Variants in TANC1 observed in about 807,000 individuals in gnomAD.
TANC1 encodes tetratricopeptide repeat, ankyrin repeat and coiled-coil containing 1.
TANC1 carries 77 observed loss-of-function variants against 149.7 expected under a neutral mutation model. That is an observed-to-expected ratio of 0.51 (90% CI 0.43 to 0.62). TANC1 has a LOEUF of 0.62. TANC1 is among the 20% of genes least tolerant of loss of function. The pLI, the probability that TANC1 is intolerant of heterozygous loss-of-function variation, is 0.00. For missense variants in TANC1, 1,985 were observed against 2,321.8 expected (o/e 0.85, Z 2.98); for synonymous variants, 854 against 925.0 (o/e 0.92, Z 1.39).
At position 159,217,515 on chromosome 2, in the gene TANC1, G is replaced by C. The variant is rs1421650022; in HGVS notation, c.3263G>C (p.Gly1088Ala). The change falls in exon 20 of 27, where the codon GGA (glycine) becomes GCA (alanine). Residue 1088 changes from glycine (G) to alanine (A), a missense_variant. Coordinates refer to ENST00000263635, the MANE Select transcript of TANC1 (RefSeq NM_033394.3). ...WGETALTAAA[G>A]RGKLEVCELL... ...CCTTTAGCCCTGACTGCCGCCGCAG[G>C]AAGAGGGAAGCTGGAGGTCTGTGAG... The C allele has an allele frequency of 5.6e-6, 9 of 1,614,134 alleles. No homozygotes were observed. The highest frequency in any genetic ancestry group is 6.8e-6 in the Non-Finnish European group (8 of 1,180,056).
chr2:159,212,603 AGGT>A (rs1356051747), intron 19 of TANC1, among the ~76,000 whole-genome samples: 2 of 152,130 alleles, frequency 1.3e-5, no homozygotes, highest in African/African-American at 4.8e-5. Context: ...AGTGTCCAAG[AGGT>A]GGCTTAGATT....
At chr2:158,990,464 GC>G (rs2035505732) in intron 1 of TANC1, among the ~76,000 whole-genome samples, 1 of 152,160 alleles carries the variant, frequency 6.6e-6, no homozygotes. Flanking sequence ...GAGGTTAAGT[GC>G]CAAGACCCAG....
In TANC1 at chr2:159,116,430, A is replaced by C. The variant is rs920670785; in HGVS notation, c.259+18596A>C. On this transcript the variant is annotated intron_variant, in intron 4 of 26. Transcript: ENST00000263635. The stretch of plus-strand genomic sequence containing the variant: ...TGACAGAGCAAGACTCAGTCTCAAA[A>C]AACAACAACAACAACAACAACAACA... 1.1e-4 allele frequency among the ~76,000 whole-genome samples: 17 copies of C among 148,708 alleles called. 1 individual carries two copies. Among genetic ancestry groups the C allele is most frequent in the Admixed American group, 2.0e-4 (3 of 14,922 alleles).
At chr2:159,093,692 A>G (rs2045785845) in intron 3 of TANC1, among the ~76,000 whole-genome samples, 1 of 152,142 alleles carries the variant, frequency 6.6e-6, no homozygotes, top group Admixed American at 6.5e-5. Context: ...CATGTTTGAG[A>G]GTGATTATAG....
intron 2 of TANC1, among the ~76,000 whole-genome samples, chr2:159,019,159 T>A (rs2038562754): frequency 1.3e-5 from 2 of 152,210 alleles, no homozygotes; most frequent in South Asian, 4.1e-4. Flanking sequence ...GAGCCGGGAT[T>A]GCAGGTCAGC....
chr2:159,153,937 T>A (rs533110548), intron 7 of TANC1, among the ~76,000 whole-genome samples: 1 of 152,238 alleles, frequency 6.6e-6, no homozygotes, highest in Non-Finnish European at 1.5e-5. Context: ...ATGAGATACC[T>A]TGGCTTCCTG....
At chr2:159,066,680 C>T (rs2042694982) in intron 3 of TANC1, among the ~76,000 whole-genome samples, 1 of 152,188 alleles carries the variant, frequency 6.6e-6, no homozygotes, top group Non-Finnish European at 1.5e-5. Context: ...GACTGGTCCT[C>T]ATCTTTTGGA....
chr2:159,200,285 C>CT, intron 19 of TANC1, among the ~76,000 whole-genome samples: 1 of 152,132 alleles, frequency 6.6e-6, no homozygotes. Context: ...GGCACTTGGG[C>CT]TTAGACATTC....
chr2:159,095,672 G>A (rs558572520), intron 3 of TANC1, among the ~76,000 whole-genome samples: 36 of 147,018 alleles, frequency 2.4e-4, no homozygotes, highest in Non-Finnish European at 3.9e-4. Flanking sequence ...GGAGGTGGAC[G>A]TTGCAGTGAG....
At chr2:158,975,353 G>A (rs1423404145) in intron 1 of TANC1, among the ~76,000 whole-genome samples, 1 of 152,052 alleles carries the variant, frequency 6.6e-6, no homozygotes, top group Non-Finnish European at 1.5e-5. Flanking sequence ...GTTTTCCACT[G>A]GCCATGTACT....
intron 2 of TANC1, among the ~76,000 whole-genome samples, chr2:159,034,718 C>T (rs2040044896): frequency 6.6e-6 from 1 of 152,206 alleles, no homozygotes; most frequent in Non-Finnish European, 1.5e-5. Flanking sequence ...TCTCCTCCTC[C>T]CATCTTCCTC....
chr2:159,198,890 AACAC>A (rs2058051566), intron 18 of TANC1, 81 bp from the exon 19 acceptor site: 2 of 935,406 alleles, frequency 2.1e-6, no homozygotes, highest in Non-Finnish European at 3.4e-6. Flanking sequence ...GTTAAAAAAC[AACAC>A]ACTGTCTCCT....
At chr2:159,217,972 A>C (rs550922010) in intron 20 of TANC1, among the ~76,000 whole-genome samples, 1 of 152,368 alleles carries the variant, frequency 6.6e-6, no homozygotes, top group African/African-American at 2.4e-5. Flanking sequence ...GCATTTGTCC[A>C]ACATACTTGG....
intron 11 of TANC1, among the ~76,000 whole-genome samples, chr2:159,172,703 G>A (rs2055389892): frequency 1.3e-5 from 2 of 152,338 alleles, no homozygotes; most frequent in Non-Finnish European, 2.9e-5. Flanking sequence ...TTGTAATAGA[G>A]CCTTCCTTGG....
At chr2:159,031,633 TTGG>T (rs1415467570) in intron 2 of TANC1, among the ~76,000 whole-genome samples, 1 of 152,216 alleles carries the variant, frequency 6.6e-6, no homozygotes, top group Non-Finnish European at 1.5e-5. Context: ...CTGAAGCAAA[TTGG>T]TGCTTTTGAG....
intron 12 of TANC1, among the ~76,000 whole-genome samples, chr2:159,175,533 A>C (rs1268694515): frequency 6.6e-6 from 1 of 152,204 alleles, no homozygotes; most frequent in Non-Finnish European, 1.5e-5. Flanking sequence ...GAATAAGTGG[A>C]TTATTTGGAG....
chr2:159,220,746 G>A (rs1173441051), intron 22 of TANC1, among the ~76,000 whole-genome samples: 2 of 151,680 alleles, frequency 1.3e-5, no homozygotes, highest in South Asian at 2.1e-4. Context: ...ATGCACCACC[G>A]TACCTGGCTA....
chr2:159,008,787 T>C (rs543579186), intron 2 of TANC1, among the ~76,000 whole-genome samples: 1 of 152,212 alleles, frequency 6.6e-6, no homozygotes, highest in African/African-American at 2.4e-5. Context: ...ATTCTTTAAT[T>C]GAATACATCT....
intron 16 of TANC1, among the ~76,000 whole-genome samples, chr2:159,192,279 T>C (rs1018828451): frequency 6.6e-6 from 1 of 152,210 alleles, no homozygotes; most frequent in African/African-American, 2.4e-5. Flanking sequence ...CTTTTGGCCT[T>C]ATCTCACTAT....
Sources: allele counts gnomAD v4.1 joint callset (sites outside exome capture counted in the v4.1 genomes callset), GRCh38; gene constraint gnomAD v4.1.1; transcripts MANE v1.5; gene names NCBI Gene and HGNC (gene_info 2026-07-23, HGNC 2026-07-21).